The following LGMN variants were observed in gnomAD, a reference collection of about 807,000 sequenced individuals.
LGMN encodes the protein asparaginyl endopeptidase.
LGMN carries 36 observed loss-of-function variants against 56.8 expected under a neutral mutation model. The ratio of observed to expected loss-of-function variants is 0.63; its 90% CI spans 0.49 to 0.84. The LOEUF is 0.84. Among genes scored for constraint, LGMN ranks in the 40% least tolerant of loss-of-function variants. The probability of loss-of-function intolerance (pLI) is 0.00; values close to 1 mark genes in which losing one functional copy is unlikely to be tolerated. For synonymous variants in LGMN, 199 were observed against 210.1 expected, an observed-to-expected ratio of 0.95 and a Z score of 0.46; for missense variants, 446 against 556.1, an observed-to-expected ratio of 0.80 and a Z score of 1.99.
At chr14:92,715,905 T>G (rs1890051225) in intron 5 of LGMN, 1 of 324,776 alleles carries the variant, frequency 3.1e-6, no homozygotes, top group Non-Finnish European at 5.7e-6. Flanking sequence ...AACATTTTAT[T>G]AATAATGAGG....
At position 92,714,182 on chromosome 14, in the gene LGMN, G is replaced by A. The variant is rs945574846; in HGVS notation, c.480+194C>T. Among the ~76,000 whole-genome samples the A allele has an allele frequency of 6.6e-6, 1 of 152,192 alleles. No homozygotes were observed. The highest frequency in any genetic ancestry group is 2.4e-5 in the African/African-American group (1 of 41,444). ...CCGACGCTGCGACATGAACAGAAAA[G>A]CAGGGAAAACTGTCTGGAAGAGATG... On this transcript the variant is annotated intron_variant, in intron 6 of 13. Transcript: ENST00000334869. The surrounding 1 kb of genome is among the most constrained non-coding windows in gnomAD (Gnocchi z 5.1).
chr14:92,713,758 G>T, intron 7 of LGMN, 65 bp downstream of exon 7: 1 of 1,082,138 alleles, frequency 9.2e-7, no homozygotes. Context: ...GGGACTGTGG[G>T]CTCTGCACTC....
At chr14:92,706,792 A>C (rs932273255) in intron 11 of LGMN, 139 bp from the exon 12 acceptor site, 27 of 698,440 alleles carry the variant, frequency 3.9e-5, no homozygotes, top group South Asian at 8.3e-5. Flanking sequence ...ATAACAATCA[A>C]TGTGCTCCGA....
In LGMN at chr14:92,716,384, G is replaced by A. The variant is rs549092005; in HGVS notation, c.319-163C>T. Among the ~76,000 whole-genome samples, 7 of 152,336 alleles carry A rather than the reference G, an allele frequency of 4.6e-5. No individual in the cohort carries two copies. In the South Asian group the frequency reaches 1.5e-3, roughly 32 times the overall value. ...GCCGTGGCTCACGCCTGTAATCCTA[G>A]CACTTTGGGAGGCCGAAGCGGGCGG... On this transcript the variant is annotated intron_variant, in intron 4 of 13. Coordinates refer to ENST00000334869, the MANE Select transcript of LGMN (RefSeq NM_005606.7).
At chr14:92,719,555 A>G (rs1388829260) in intron 2 of LGMN, among the ~76,000 whole-genome samples, 1 of 152,192 alleles carries the variant, frequency 6.6e-6, no homozygotes, top group African/African-American at 2.4e-5. Context: ...TGATCAACAG[A>G]GCTAGTTCTA....
chr14:92,737,567 C>T lies in LGMN; in HGVS notation c.-29-4752G>A, dbSNP rs545642813. On this transcript the variant is annotated intron_variant, in intron 1 of 13. Transcript: ENST00000334869. The stretch of plus-strand genomic sequence containing the variant: ...GACACCAAGCTAACACGTGGACACC[C>T]CACCTTGCTTGCTTCCTCCCCTGCC... Among the ~76,000 whole-genome samples the T allele has an allele frequency of 2.3e-3, 347 of 152,344 alleles. 1 individual carries two copies. Among genetic ancestry groups the T allele is most frequent in the African/African-American group, 8.0e-3 (331 of 41,574 alleles).
intron 2 of LGMN, among the ~76,000 whole-genome samples, chr14:92,729,906 G>T (rs1284700974): frequency 6.6e-6 from 1 of 152,212 alleles, no homozygotes; most frequent in Non-Finnish European, 1.5e-5. Flanking sequence ...GAATATTTCA[G>T]TCTGGGCCAC....
At position 92,706,550 on chromosome 14, in the gene LGMN, C is replaced by T; in HGVS notation, c.1124G>A (p.Gly375Glu). 6.2e-7 allele frequency: 1 copy of T among 1,602,154 alleles called. No individual in the cohort carries two copies. The highest frequency in any genetic ancestry group is 1.3e-5 in the African/African-American group (1 of 74,912). Residue 375 changes from glycine to glutamate, a missense_variant, in exon 12 of 14, where the codon GGG becomes GAG. Coordinates refer to ENST00000334869, the MANE Select transcript of LGMN (RefSeq NM_005606.7). The stretch of plus-strand genomic sequence containing the variant: ...CAGGGCCTCTGGGTAGCAGCTGTGC[C>T]CCGTGAGCGGGGCTCTCTCGGACAG... ...QLLSERAPLT[G>E]HSCYPEALLH...
At chr14:92,718,395 G>T (rs1462893283) in intron 3 of LGMN, among the ~76,000 whole-genome samples, 1 of 152,070 alleles carries the variant, frequency 6.6e-6, no homozygotes, top group Non-Finnish European at 1.5e-5. Flanking sequence ...CCAACATGGT[G>T]AAATCCTGTC....
At chr14:92,704,797 A>G (rs2140196235) in intron 12 of LGMN, 90 bp from the exon 13 acceptor site, 1 of 1,004,444 alleles carries the variant, frequency 1.0e-6, no homozygotes, top group East Asian at 2.4e-5. Flanking sequence ...AAGCATCTTG[A>G]CCAGTGGCTC....
At chr14:92,719,155 A>ACCG (rs1566923569) in intron 2 of LGMN, among the ~76,000 whole-genome samples, 4 of 78,080 alleles carry the variant, frequency 5.1e-5, no homozygotes, top group African/African-American at 2.2e-4. Context: ...CACCACCGCC[A>ACCG]CTGCCACCAC....
At chr14:92,733,507 T>C (rs117880795) in intron 1 of LGMN, among the ~76,000 whole-genome samples, 1,761 of 152,286 alleles carry the variant, frequency 0.012, 10 homozygotes, top group Non-Finnish European at 0.018. Context: ...GAAAAGAATA[T>C]ACATGTAAAA....
In LGMN at chr14:92,714,249, C is replaced by A; in HGVS notation, c.480+127G>T. 1.5e-6 allele frequency: 1 copy of A among 664,660 alleles called. No homozygotes were observed. 41.2% of individuals were successfully genotyped at this position (664,660 alleles called of 1,614,324 possible). On this transcript the variant is annotated intron_variant, in intron 6 of 13. Coordinates refer to ENST00000334869, the MANE Select transcript of LGMN (RefSeq NM_005606.7). This position sits in a 1 kb window ranked among gnomAD's most constrained non-coding sequence, Gnocchi z 5.1. ...AAGCTGCTAAACCTGTCCCCCACTC[C>A]CACCCACCACACGTACAAACCAACC... is the stretch of plus-strand genomic sequence containing the variant.
At chr14:92,727,379 G>A (rs1048144910) in intron 2 of LGMN, among the ~76,000 whole-genome samples, 5 of 142,050 alleles carry the variant, frequency 3.5e-5, no homozygotes, top group South Asian at 2.3e-4. Flanking sequence ...GCAATGAGCC[G>A]AGATTGCACC....
intron 10 of LGMN, among the ~76,000 whole-genome samples, chr14:92,710,599 A>G (rs1889709674): frequency 6.6e-6 from 1 of 152,246 alleles, no homozygotes; most frequent in Admixed American, 6.5e-5. Context: ...ATCTAACAAC[A>G]GTTCTAAAAT....
At position 92,704,750 on chromosome 14, in the gene LGMN, C is replaced by A. The variant is rs1251862453; in HGVS notation, c.1192-43G>T. 5 of 1,463,910 alleles carry A rather than the reference C, an allele frequency of 3.4e-6. No individual in the cohort carries two copies. In the African/African-American group the frequency reaches 5.6e-5, roughly 16 times the overall value. The allele number at this position is 1,463,910 out of a possible 1,614,324, so 90.7% of individuals were successfully genotyped here. The stretch of plus-strand genomic sequence containing the variant: ...AGAAGAATGAAACTTCCTCATCTCA[C>A]CACACAATCCACTCCACTTTTGCAA... On this transcript the variant is annotated intron_variant, in intron 12 of 13. Transcript: ENST00000334869.
At chr14:92,729,479 C>CT (rs1395509158) in intron 2 of LGMN, among the ~76,000 whole-genome samples, 1 of 105,136 alleles carries the variant, frequency 9.5e-6, no homozygotes, top group Admixed American at 9.1e-5. Context: ...CCCCCCCCCC[C>CT]GCCCCCGTTA....
Position 92,714,037 on chromosome 14 carries a change from C to T in LGMN, c.481-152G>A. The T allele has an allele frequency of 5.7e-6, 4 of 697,240 alleles. No individual in the cohort carries two copies. The highest frequency in any genetic ancestry group is 1.0e-5 in the Non-Finnish European group (4 of 389,136). 43.2% of individuals were successfully genotyped at this position (697,240 alleles called of 1,614,324 possible). The stretch of plus-strand genomic sequence containing the variant: ...AGAACATAACCCCAGAATGTCGTCA[C>T]ATGTTTTATGCACGCATTTAAAAAG... On this transcript the variant is annotated intron_variant, in intron 6 of 13. Coordinates refer to ENST00000334869, the MANE Select transcript of LGMN (RefSeq NM_005606.7). The surrounding 1 kb of genome is among the most constrained non-coding windows in gnomAD (Gnocchi z 5.1).
intron 1 of LGMN, among the ~76,000 whole-genome samples, chr14:92,734,394 T>C (rs1891204339): frequency 1.3e-5 from 2 of 152,100 alleles, no homozygotes; most frequent in South Asian, 2.1e-4. Context: ...CGGAGGCGGA[T>C]GGACCACATG....
Sources: allele counts gnomAD v4.1 joint callset (sites outside exome capture counted in the v4.1 genomes callset), GRCh38; gene constraint gnomAD v4.1.1; non-coding constraint Gnocchi (gnomAD v3.1); transcripts MANE v1.5; gene names NCBI Gene and HGNC (gene_info 2026-07-23, HGNC 2026-07-21).